DCC: variants seen among roughly 807,000 people sequenced by gnomAD.
DCC encodes the protein netrin receptor DCC.
In DCC, 58 loss-of-function variants were observed where a neutral mutation model predicts 172.5. That is an observed-to-expected ratio of 0.34 (90% CI 0.27 to 0.42). The LOEUF is 0.42. Ranked by LOEUF, DCC falls within the 10% of genes least tolerant of loss-of-function variation. The pLI is 1.00. For missense variants in DCC, 1,740 were observed against 1,791.0 expected (o/e 0.97, Z 0.51); for synonymous variants, 709 against 644.5 (o/e 1.10, Z -1.52).
At chr18:53,266,590 T>C (rs1380381307) in intron 12 of DCC, among the ~76,000 whole-genome samples, 1 of 152,146 alleles carries the variant, frequency 6.6e-6, no homozygotes, top group African/African-American at 2.4e-5. Flanking sequence ...TCTTTTAATG[T>C]GTGCAGTTCA....
At chr18:52,844,442 A>AT (rs1026285837) in intron 2 of DCC, among the ~76,000 whole-genome samples, 1 of 152,128 alleles carries the variant, frequency 6.6e-6, no homozygotes, top group African/African-American at 2.4e-5. Context: ...TTAATACATG[A>AT]TCCTCTTGTA....
intron 1 of DCC, among the ~76,000 whole-genome samples, chr18:52,474,022 TA>T (rs1479055872): frequency 1.3e-5 from 2 of 151,672 alleles, no homozygotes; most frequent in African/African-American, 4.8e-5. Flanking sequence ...AGGCAAACTT[TA>T]AAAAAAATAA....
intron 5 of DCC, among the ~76,000 whole-genome samples, chr18:52,994,655 A>C (rs2041451111): frequency 6.6e-6 from 1 of 152,174 alleles, no homozygotes; most frequent in Non-Finnish European, 1.5e-5. Context: ...TAAATGTTTT[A>C]ATTAGCAACC....
intron 12 of DCC, among the ~76,000 whole-genome samples, chr18:53,298,557 A>T (rs2057096754): frequency 7.1e-6 from 1 of 140,438 alleles, no homozygotes; most frequent in African/African-American, 2.6e-5. Flanking sequence ...AAAAAAAAAA[A>T]GGCTTGCAGA....
intron 9 of DCC, 94 bp downstream of exon 9, chr18:53,179,210 A>G (rs1275298842): frequency 3.1e-6 from 4 of 1,280,408 alleles, no homozygotes; most frequent in Non-Finnish European, 4.4e-6. Context: ...CGAAGTGACA[A>G]AAGCGAAGAA....
At chr18:53,470,937 T>C (rs2045688429) in intron 25 of DCC, among the ~76,000 whole-genome samples, 2 of 152,204 alleles carry the variant, frequency 1.3e-5, no homozygotes, top group Admixed American at 6.5e-5. Context: ...ACTTACTCTG[T>C]TCAGAAACTC....
At chr18:52,549,888 A>G (rs1891246380) in intron 1 of DCC, among the ~76,000 whole-genome samples, 1 of 151,886 alleles carries the variant, frequency 6.6e-6, no homozygotes, top group Non-Finnish European at 1.5e-5. Flanking sequence ...AAGAATTTTG[A>G]ATAATCTAAG....
chr18:52,548,349 T>C (rs759472458), intron 1 of DCC, among the ~76,000 whole-genome samples: 15 of 152,070 alleles, frequency 9.9e-5, no homozygotes, highest in Non-Finnish European at 2.1e-4. Flanking sequence ...TATATATCAG[T>C]GCTGGGGTAA....
At chr18:52,415,371 C>T (rs1216610390) in intron 1 of DCC, among the ~76,000 whole-genome samples, 1 of 152,100 alleles carries the variant, frequency 6.6e-6, no homozygotes, top group Non-Finnish European at 1.5e-5. Context: ...ATGTTCTAAG[C>T]CTGAAGGGAG....
intron 5 of DCC, among the ~76,000 whole-genome samples, chr18:52,989,527 G>GA (rs776534170): frequency 2.6e-5 from 4 of 151,682 alleles, no homozygotes; most frequent in Non-Finnish European, 5.9e-5. Flanking sequence ...CCGTCTCAAA[G>GA]AAAAAAAATT....
chr18:52,378,100 G>A (rs1985430596), intron 1 of DCC, among the ~76,000 whole-genome samples: 1 of 151,930 alleles, frequency 6.6e-6, no homozygotes, highest in Non-Finnish European at 1.5e-5. Context: ...GACTATCTGT[G>A]AAGCAATAAT....
chr18:52,637,574 T>C (rs2034806612), intron 1 of DCC, among the ~76,000 whole-genome samples: 1 of 152,040 alleles, frequency 6.6e-6, no homozygotes, highest in Admixed American at 6.5e-5. Flanking sequence ...AATTCAGAGC[T>C]CAAAGACACG....
At position 53,123,818 on chromosome 18, in the gene DCC, T is replaced by A. The variant is rs564611411; in HGVS notation, c.1262-33538T>A. On this transcript the variant is annotated intron_variant, in intron 7 of 28. Transcript: ENST00000442544. ...ACTTCAACGTGTCACGGTCCTTTTC[T>A]CCACGTTTTCTTGCTATACCCGTCT... 7.9e-5 allele frequency among the ~76,000 whole-genome samples: 12 copies of A among 152,218 alleles called. No individual in the cohort carries two copies. The South Asian group carries it at 2.5e-3, about 32-fold the overall frequency.
At chr18:52,888,803 G>A (rs932319043) in intron 2 of DCC, among the ~76,000 whole-genome samples, 1 of 151,922 alleles carries the variant, frequency 6.6e-6, no homozygotes, top group Admixed American at 6.6e-5. Context: ...ATGTGTATGT[G>A]TATATACAGA....
intron 1 of DCC, among the ~76,000 whole-genome samples, chr18:52,711,617 G>A (rs965820382): frequency 9.2e-5 from 14 of 152,158 alleles, no homozygotes; most frequent in Non-Finnish European, 1.9e-4. Flanking sequence ...TAGATGTTGG[G>A]GAAGGAAATG....
Position 53,442,108 on chromosome 18 carries a change from A to G in DCC, c.3229+6899A>G, listed in dbSNP as rs191234817. Among the ~76,000 whole-genome samples the G allele has an allele frequency of 2.0e-4, 31 of 152,288 alleles. No individual in the cohort carries two copies. In the East Asian group the frequency reaches 5.6e-3, roughly 28 times the overall value. The stretch of plus-strand genomic sequence containing the variant: ...TACATTCTCATTGTTATACCTCTCT[A>G]CATGAATCTTTCTACTTTTCTTTTT... On this transcript the variant is annotated intron_variant, in intron 22 of 28. Transcript: ENST00000442544.
intron 1 of DCC, among the ~76,000 whole-genome samples, chr18:52,479,586 C>A (rs940699794): frequency 6.0e-5 from 9 of 149,650 alleles, no homozygotes; most frequent in East Asian, 2.0e-4. Context: ...CTCCACCCCC[C>A]CCCCGTCTCC....
chr18:53,420,387 A>G (rs893998509), intron 21 of DCC, among the ~76,000 whole-genome samples: 3 of 152,158 alleles, frequency 2.0e-5, no homozygotes, highest in African/African-American at 7.2e-5. Context: ...CGCTGATTAC[A>G]TGATCCTGAC....
chr18:52,671,811 C>G (rs535848329), intron 1 of DCC, among the ~76,000 whole-genome samples: 7 of 152,262 alleles, frequency 4.6e-5, no homozygotes, highest in African/African-American at 1.7e-4. Flanking sequence ...TCCAGGATTA[C>G]AGGCATGAGT....
Sources: allele counts gnomAD v4.1 joint callset (sites outside exome capture counted in the v4.1 genomes callset), GRCh38; gene constraint gnomAD v4.1.1; transcripts MANE v1.5; gene names NCBI Gene and HGNC (gene_info 2026-07-23, HGNC 2026-07-21).